MACF1: variants seen among roughly 807,000 people sequenced by gnomAD.
The protein encoded by MACF1 is microtubule-actin cross-linking factor 1.
In MACF1, 193 loss-of-function variants were observed where a neutral mutation model predicts 854.8. The observed-to-expected ratio is 0.23, with a 90% confidence interval of 0.20 to 0.25. MACF1 has a LOEUF of 0.25. Ranked by LOEUF, MACF1 falls within the 10% of genes least tolerant of loss-of-function variation. MACF1 has a pLI of 1.00. For synonymous variants in MACF1, 3,185 were observed against 3,226.7 expected, an observed-to-expected ratio of 0.99 and a Z score of 0.44; for missense variants, 7,722 against 8,929.1, an observed-to-expected ratio of 0.86 and a Z score of 5.45.
intron 1 of MACF1, among the ~76,000 whole-genome samples, chr1:39,229,480 G>C (rs1000438730): frequency 6.6e-6 from 1 of 152,208 alleles, no homozygotes; most frequent in Non-Finnish European, 1.5e-5. Flanking sequence ...GGCTTGGGGA[G>C]AGAACCTGGC....
intron 58 of MACF1, chr1:39,410,089 G>C (rs550890822): frequency 2.0e-6 from 1 of 499,814 alleles, no homozygotes; most frequent in East Asian, 3.0e-5. Flanking sequence ...GTTTGTCTTA[G>C]AGCTTCTCCC....
intron 2 of MACF1, among the ~76,000 whole-genome samples, chr1:39,238,687 A>T (rs1320517090): frequency 2.0e-5 from 3 of 152,176 alleles, no homozygotes; most frequent in Non-Finnish European, 4.4e-5. Flanking sequence ...AAGCTAGAGG[A>T]ACACATCATA....
chr1:39,447,720 G>A lies in MACF1; in HGVS notation c.19790G>A (p.Arg6597Gln), dbSNP rs771497384. Residue 6597 changes from arginine to glutamine, a missense_variant, in exon 82 of 101, where the codon CGA becomes CAA. Physicochemically the swap from Arg to Gln is conservative, Grantham distance 43 (BLOSUM62 1). Around this residue, in one of 15 missense-constraint regions of MACF1, gnomAD observed 729 missense variants for 900.5 expected, o/e 0.81. Coordinates refer to ENST00000564288, the MANE Select transcript of MACF1 (RefSeq NM_001394062.1). Reference protein sequence around the residue: ...KVFANEVNAHRDQIIELDQTG... With the variant: ...KVFANEVNAHQDQIIELDQTG... ...TTTGCTAATGAAGTAAATGCTCATC[G>A]AGACCAGATCATTGAGCTGGATCAA... 1.2e-6 allele frequency: 2 copies of A among 1,614,006 alleles called. No individual in the cohort carries two copies. Among genetic ancestry groups the A allele is most frequent in the Non-Finnish European group, 1.7e-6 (2 of 1,180,008 alleles).
rs1251165556 is a variant in MACF1 at position 39,440,106 on chromosome 1, C to CTTTT, written c.18447+607_18447+610dup. Among the ~76,000 whole-genome samples the CTTTT allele has an allele frequency of 8.2e-4, 56 of 68,228 alleles. 1 individual carries two copies. Among genetic ancestry groups the CTTTT allele is most frequent in the African/African-American group, 3.6e-3 (55 of 15,312 alleles). The allele number at this position is 68,228 out of a possible 152,430, so 44.8% of individuals were successfully genotyped here. ...CTTTTCTTTTCTTTTCTTTTCTTTT[C>CTTTT]TTTTCTTTTTTTTTTTTTTTTTTGG... On this transcript the variant is annotated intron_variant, in intron 72 of 100. Transcript: ENST00000564288.
At chr1:39,390,935 G>C (rs1367355033) in intron 58 of MACF1, among the ~76,000 whole-genome samples, 1 of 151,932 alleles carries the variant, frequency 6.6e-6, no homozygotes, top group Non-Finnish European at 1.5e-5. Context: ...GTGAAACCCT[G>C]TCTCTACTAA....
chr1:39,257,779 G>A (rs1365598799), intron 5 of MACF1, 157 bp from the exon 6 acceptor site: 1 of 591,904 alleles, frequency 1.7e-6, no homozygotes, highest in Non-Finnish European at 3.0e-6. Flanking sequence ...CTGTTTTGTG[G>A]TGGTAGTTGC....
intron 38 of MACF1, among the ~76,000 whole-genome samples, chr1:39,338,257 GTTGTTT>G (rs1646861311): frequency 7.2e-6 from 1 of 138,632 alleles, no homozygotes; most frequent in Admixed American, 7.1e-5. Flanking sequence ...GGTTTTTTGG[GTTGTTT>G]TTTTTTTTTA....
At chr1:39,388,792 T>C (rs1355842164) in intron 58 of MACF1, 134 bp downstream of exon 58, 5 of 780,520 alleles carry the variant, frequency 6.4e-6, no homozygotes, top group Non-Finnish European at 7.6e-6. Context: ...GAAAGCACAC[T>C]GTCTGAAGAC....
rs1643645551 is a variant in MACF1 at position 39,424,023 on chromosome 1, A to G, written c.16150-5A>G. ...TGTTACAGCTTTTCATTCTCTTTAT[A>G]ATAGTTGCTCCAGCGGCTCCTAGAT... On this transcript the variant is annotated splice_polypyrimidine_tract_variant and splice_region_variant and intron_variant, in intron 60 of 100. Transcript: ENST00000564288. 6.2e-7 allele frequency: 1 copy of G among 1,608,710 alleles called. No homozygotes were observed. The highest frequency in any genetic ancestry group is 8.5e-7 in the Non-Finnish European group (1 of 1,177,324).
At chr1:39,411,673 C>T in intron 58 of MACF1, 1 of 1,613,854 alleles carries the variant, frequency 6.2e-7, no homozygotes, top group Non-Finnish European at 8.5e-7. Context: ...GTTTCTTGAA[C>T]TTGAAAAGGA....
intron 2 of MACF1, among the ~76,000 whole-genome samples, chr1:39,196,555 A>G (rs1644322554): frequency 6.6e-6 from 1 of 152,228 alleles, no homozygotes; most frequent in Non-Finnish European, 1.5e-5. Flanking sequence ...CAAGGTTTTC[A>G]GTCCTATCGG....
At chr1:39,439,048 A>G (rs1222543584) in intron 71 of MACF1, among the ~76,000 whole-genome samples, 1 of 151,288 alleles carries the variant, frequency 6.6e-6, no homozygotes, top group Non-Finnish European at 1.5e-5. Flanking sequence ...GCGCCACTGC[A>G]CTCCAGCCTG....
At chr1:39,234,476 C>T (rs1280092545) in intron 2 of MACF1, among the ~76,000 whole-genome samples, 1 of 138,656 alleles carries the variant, frequency 7.2e-6, no homozygotes, top group Admixed American at 7.1e-5. Flanking sequence ...GAGCTCCTCA[C>T]TTCTCAGTAG....
chr1:39,401,486 T>G (rs1642476144), intron 58 of MACF1, among the ~76,000 whole-genome samples: 1 of 152,206 alleles, frequency 6.6e-6, no homozygotes, highest in Non-Finnish European at 1.5e-5. Flanking sequence ...TCGGCAGAGT[T>G]TCAGAAGCAA....
chr1:39,350,463 A>G (rs565830137), intron 42 of MACF1, among the ~76,000 whole-genome samples: 104 of 152,340 alleles, frequency 6.8e-4, no homozygotes, highest in Admixed American at 1.2e-3. Flanking sequence ...ATAAGGGCCC[A>G]TCAGGCCTCG....
In MACF1 at chr1:39,282,291, T is replaced by C; in HGVS notation, c.612T>C (p.Ala204=). 6.2e-7 allele frequency: 1 copy of C among 1,614,164 alleles called. No individual in the cohort carries two copies. The highest frequency in any genetic ancestry group is 8.5e-7 in the Non-Finnish European group (1 of 1,180,002). Residue 204 remains alanine, a synonymous_variant, in exon 7 of 101, where the codon GCT becomes GCC. Transcript: ENST00000564288. ...KLLLWTQKVT[A]GYTGIKCTNF... Reference sequence around the variant, plus strand: ...TCCTGTGGACCCAGAAGGTGACAGCTGGTTACACAGGAATCAAATGCACCA... The same window carrying C: ...TCCTGTGGACCCAGAAGGTGACAGCCGGTTACACAGGAATCAAATGCACCA...
At chr1:39,218,635 C>T (rs949209778) in intron 1 of MACF1, among the ~76,000 whole-genome samples, 6 of 152,346 alleles carry the variant, frequency 3.9e-5, no homozygotes, top group Middle Eastern at 3.4e-3. Flanking sequence ...GTGCCTCCCT[C>T]TCACTGTGGC....
At chr1:39,121,730 G>A (rs1642719983) in intron 2 of MACF1, among the ~76,000 whole-genome samples, 1 of 152,180 alleles carries the variant, frequency 6.6e-6, no homozygotes, top group Non-Finnish European at 1.5e-5. Context: ...TTATAGGCGT[G>A]AGCCACCGCG....
chr1:39,144,333 G>A (rs528110050), intron 2 of MACF1, among the ~76,000 whole-genome samples: 4 of 152,016 alleles, frequency 2.6e-5, no homozygotes, highest in South Asian at 4.2e-4. Flanking sequence ...CACCTGCCTC[G>A]GCCTCCCAAA....
Sources: allele counts gnomAD v4.1 joint callset (sites outside exome capture counted in the v4.1 genomes callset), GRCh38; gene constraint gnomAD v4.1.1; regional missense constraint gnomAD v4.1.1; transcripts MANE v1.5; gene names NCBI Gene and HGNC (gene_info 2026-07-23, HGNC 2026-07-21).